The following CLDN14 variants were observed in gnomAD, a reference collection of about 807,000 sequenced individuals.
The protein encoded by CLDN14 is claudin-14.
Under a neutral mutation model 2.1 loss-of-function variants are expected in CLDN14, and 2 were observed. That is an observed-to-expected ratio of 0.96 (90% confidence interval 0.39 to 3.01). The LOEUF is 3.01. CLDN14 is among the 30% of genes most tolerant of loss of function. The pLI, the probability that CLDN14 is intolerant of heterozygous loss-of-function variation, is 0.09. For synonymous variants in CLDN14, 136 were observed against 154.4 expected, an observed-to-expected ratio of 0.88 and a Z score of 0.88; for missense variants, 298 against 328.0, an observed-to-expected ratio of 0.91 and a Z score of 0.71.
chr21:36,572,927 A>T (rs1301373611), intron 1 of CLDN14, among the ~76,000 whole-genome samples: 2 of 152,236 alleles, frequency 1.3e-5, no homozygotes, highest in Non-Finnish European at 2.9e-5. Context: ...GCCAAAACTG[A>T]AAATGTGATT....
intron 1 of CLDN14, among the ~76,000 whole-genome samples, chr21:36,566,248 A>C (rs1322621925): frequency 6.6e-6 from 1 of 152,254 alleles, no homozygotes; most frequent in African/African-American, 2.4e-5. Flanking sequence ...GATGATAACA[A>C]GGCATATTTT....
chr21:36,470,866 C>T (rs1054203465), intron 1 of CLDN14, among the ~76,000 whole-genome samples: 2 of 152,128 alleles, frequency 1.3e-5, no homozygotes, highest in African/African-American at 4.8e-5. Context: ...ATCCCAGCTA[C>T]TTTGGAAGCT....
chr21:36,541,796 C>A (rs1468818054), intron 1 of CLDN14, among the ~76,000 whole-genome samples: 1 of 152,164 alleles, frequency 6.6e-6, no homozygotes, highest in Admixed American at 6.5e-5. Flanking sequence ...TTGTGTCTTA[C>A]TGTCTTAGGT....
intron 2 of CLDN14, among the ~76,000 whole-genome samples, chr21:36,502,508 C>T (rs774488880): frequency 1.2e-4 from 19 of 152,186 alleles, no homozygotes; most frequent in Non-Finnish European, 2.8e-4. Context: ...TCTTTTAGTG[C>T]ATAGACATCA....
chr21:36,462,479 A>T (rs1238960987), intron 1 of CLDN14, among the ~76,000 whole-genome samples: 1 of 152,138 alleles, frequency 6.6e-6, no homozygotes, highest in African/African-American at 2.4e-5. Context: ...GGGCTGTCCG[A>T]GGGTGACTTT....
chr21:36,491,203 T>A (rs1169319781), intron 2 of CLDN14, among the ~76,000 whole-genome samples: 1 of 152,180 alleles, frequency 6.6e-6, no homozygotes, highest in Admixed American at 6.5e-5. Context: ...TCAGCTCTGG[T>A]GCAGGAACTA....
At chr21:36,571,196 T>C (rs1037538838) in intron 1 of CLDN14, among the ~76,000 whole-genome samples, 8 of 152,248 alleles carry the variant, frequency 5.3e-5, no homozygotes, top group Admixed American at 3.9e-4. Context: ...TGAATGTTCT[T>C]GGAGGTTTTG....
chr21:36,527,306 G>A (rs575781848), intron 1 of CLDN14, among the ~76,000 whole-genome samples: 3 of 152,238 alleles, frequency 2.0e-5, no homozygotes, highest in Admixed American at 2.0e-4. Context: ...TTTTGTTGCC[G>A]GGAGTGACTG....
upstream of CLDN14, among the ~76,000 whole-genome samples, chr21:36,481,601 C>G (rs1295315240): frequency 6.6e-6 from 1 of 152,216 alleles, no homozygotes; most frequent in African/African-American, 2.4e-5. Flanking sequence ...GGATATTACA[C>G]TGTGACAGTG....
intron 1 of CLDN14, among the ~76,000 whole-genome samples, chr21:36,549,137 T>C (rs1490445420): frequency 2.0e-5 from 3 of 151,690 alleles, no homozygotes; most frequent in Non-Finnish European, 2.9e-5. Context: ...AGACGATTCA[T>C]AGCTGGTGTT....
chr21:36,547,694 C>T (rs55864938), intron 1 of CLDN14, among the ~76,000 whole-genome samples: 3,675 of 152,278 alleles, frequency 0.024, 156 homozygotes, highest in African/African-American at 0.084. Context: ...CAGGCAGTGA[C>T]GTGGCTTCTG....
chr21:36,482,351 T>TAGACTGAC (rs1243126017), upstream of CLDN14, among the ~76,000 whole-genome samples: 1,171 of 147,446 alleles, frequency 7.9e-3, 6 homozygotes, highest in Middle Eastern at 0.039. Context: ...GATGGATGGA[T>TAGACTGAC]GGATGGATGG....
intron 2 of CLDN14, among the ~76,000 whole-genome samples, chr21:36,492,738 G>A (rs1422463293): frequency 1.3e-5 from 2 of 152,226 alleles, no homozygotes; most frequent in Non-Finnish European, 2.9e-5. Context: ...GCCACGTGAC[G>A]ACAGAGGCAG....
intron 1 of CLDN14, among the ~76,000 whole-genome samples, chr21:36,539,506 T>C (rs1466148231): frequency 7.5e-6 from 1 of 134,194 alleles, no homozygotes; most frequent in African/African-American, 2.8e-5. Flanking sequence ...GCAGAGTGTG[T>C]GGAGTGAGTG....
Position 36,461,032 on chromosome 21 carries a change from C to A in CLDN14, c.664G>T (p.Ala222Ser), listed in dbSNP as rs138008896. Residue 222 changes from alanine (A) to serine (S), a missense_variant, in exon 2 of 2, where the codon GCC (alanine) becomes TCC (serine). By Grantham distance (99) the Ala-to-Ser change is moderately conservative (BLOSUM62 1). Transcript: ENST00000399135. ...QPPAAYKDNRAPSVTSATHSG... is the reference protein window; with the variant it reads ...QPPAAYKDNRSPSVTSATHSG... ...TGCGTGGCCGAGGTCACTGAGGGGG[C>A]CCGATTGTCTTTGTAGGCAGCTGGT... 3.1e-6 allele frequency: 5 copies of A among 1,613,552 alleles called. No individual in the cohort carries two copies. The Admixed American group carries it at 6.7e-5, about 22-fold the overall frequency.
chr21:36,560,351 T>C (rs1354971620), intron 1 of CLDN14, among the ~76,000 whole-genome samples: 1 of 152,116 alleles, frequency 6.6e-6, no homozygotes, highest in Non-Finnish European at 1.5e-5. Context: ...CCCTTAACTA[T>C]ATTTGGATTT....
chr21:36,567,503 T>C (rs412775), intron 1 of CLDN14, among the ~76,000 whole-genome samples: 128,857 of 152,222 alleles, frequency 0.85, 54,953 homozygotes, highest in Non-Finnish European at 0.9. Flanking sequence ...CTTCCTTAAT[T>C]ACAGCACGAT....
intron 1 of CLDN14, among the ~76,000 whole-genome samples, chr21:36,548,697 G>C (rs2146515697): frequency 6.6e-6 from 1 of 152,298 alleles, no homozygotes; most frequent in African/African-American, 2.4e-5. Flanking sequence ...GAGTAAGGCT[G>C]ACTTCCTTGG....
intron 1 of CLDN14, among the ~76,000 whole-genome samples, chr21:36,566,628 C>T (rs1024553222): frequency 4.6e-5 from 7 of 152,296 alleles, no homozygotes; most frequent in South Asian, 2.1e-4. Context: ...GCTGCTCCCT[C>T]GGAATGATTT....
Sources: allele counts gnomAD v4.1 joint callset (sites outside exome capture counted in the v4.1 genomes callset), GRCh38; gene constraint gnomAD v4.1.1; transcripts MANE v1.5; gene names NCBI Gene and HGNC (gene_info 2026-07-23, HGNC 2026-07-21).